The following PLCE1 variants were observed in gnomAD, a reference collection of about 807,000 sequenced individuals.
PLCE1 encodes the protein phospholipase C epsilon 1.
In PLCE1, 119 loss-of-function variants were observed where a neutral mutation model predicts 242.8. That is an observed-to-expected ratio of 0.49 (90% CI 0.42 to 0.57). The LOEUF (loss-of-function observed/expected upper bound fraction) is 0.57. Among genes scored for constraint, PLCE1 ranks in the 20% least tolerant of loss-of-function variants. The pLI, the probability that PLCE1 is intolerant of heterozygous loss-of-function variation, is 0.00. For synonymous variants in PLCE1, 945 were observed against 1,017.4 expected, an observed-to-expected ratio of 0.93 and a Z score of 1.35; for missense variants, 2,441 against 2,788.8, an observed-to-expected ratio of 0.88 and a Z score of 2.81.
rs775505225 is a variant in PLCE1, at chr10:94,293,501, G to T, written c.5036-7G>T. 3.7e-6 allele frequency: 6 copies of T among 1,612,930 alleles called. No individual in the cohort carries two copies. In the South Asian group the frequency reaches 6.6e-5, roughly 18 times the overall value. On this transcript the variant is annotated splice_polypyrimidine_tract_variant and splice_region_variant and intron_variant, in intron 22 of 32. Transcript: ENST00000371380. ...TTGGCTTATTTATTTTCATTTTATGGGAACAGGACTGTCAACTCTAAATGC... is the reference window on the plus strand; with the variant it reads ...TTGGCTTATTTATTTTCATTTTATGTGAACAGGACTGTCAACTCTAAATGC...
Position 94,281,514 on chromosome 10 carries a change from G to T in PLCE1, c.4795+1603G>T, listed in dbSNP as rs145280993. 8.2e-4 allele frequency among the ~76,000 whole-genome samples: 125 copies of T among 152,230 alleles called. 1 individual carries two copies. The East Asian group carries it at 0.02, about 24-fold the overall frequency. ...ATACCACTGAATTTCTAAGATAGTT[G>T]CATGTATTTTTAACAATCCACATAT... is the stretch of plus-strand genomic sequence containing the variant. On this transcript the variant is annotated intron_variant, in intron 20 of 32. Transcript: ENST00000371380.
chr10:94,322,699 C>T (rs1248394907), intron 30 of PLCE1, among the ~76,000 whole-genome samples: 3 of 151,890 alleles, frequency 2.0e-5, no homozygotes, highest in Non-Finnish European at 4.4e-5. Flanking sequence ...GCAGGAGAAT[C>T]GCTTGAACCC....
rs1457134120 is a variant in PLCE1, at chr10:94,293,642, A to T, written c.5167+3A>T. The T allele has an allele frequency of 6.2e-7, 1 of 1,613,486 alleles. No homozygotes were observed. Among genetic ancestry groups the T allele is most frequent in the African/African-American group, 1.3e-5 (1 of 75,038 alleles). On this transcript the variant is annotated splice_donor_region_variant and intron_variant, in intron 23 of 32. Coordinates refer to ENST00000371380, the MANE Select transcript of PLCE1 (RefSeq NM_016341.4). ...ATTTAACAAAACATCTGGAAAAAGT[A>T]AAGTCACTTTCTTACAATATCTTTG... is the stretch of plus-strand genomic sequence containing the variant.
At chr10:94,175,915 A>G (rs548796208) in intron 4 of PLCE1, among the ~76,000 whole-genome samples, 10 of 152,294 alleles carry the variant, frequency 6.6e-5, no homozygotes, top group Admixed American at 6.5e-4. Flanking sequence ...ATTCTTTTTT[A>G]TGGCTGAATT....
chr10:94,067,771 CCTT>C (rs1468081801), intron 2 of PLCE1, among the ~76,000 whole-genome samples: 2 of 152,152 alleles, frequency 1.3e-5, no homozygotes, highest in Admixed American at 1.3e-4. Context: ...AAGAAATACT[CCTT>C]CTTCCTCTGC....
chr10:94,203,708 T>C (rs1278779103), intron 4 of PLCE1, among the ~76,000 whole-genome samples: 1 of 152,220 alleles, frequency 6.6e-6, no homozygotes, highest in Non-Finnish European at 1.5e-5. Context: ...AGAACATCTC[T>C]CTCTTCTTCC....
intron 1 of PLCE1, among the ~76,000 whole-genome samples, chr10:93,994,729 TAAATACACTAGAGCAAG>T (rs1385735230): frequency 6.6e-6 from 1 of 152,226 alleles, no homozygotes. Context: ...GCTACAGTAA[TAAATACACTAGAGCAAG>T]AAGTCTTCTG....
intron 2 of PLCE1, among the ~76,000 whole-genome samples, chr10:94,060,296 A>G (rs1307676779): frequency 6.6e-6 from 1 of 152,186 alleles, no homozygotes; most frequent in East Asian, 1.9e-4. Flanking sequence ...CTAAAGGCAC[A>G]CAGTTCTTGG....
intron 3 of PLCE1, chr10:94,138,276 G>A (rs540825189): frequency 3.1e-4 from 106 of 344,422 alleles, no homozygotes; most frequent in African/African-American, 1.4e-3. Flanking sequence ...CATATTGTGC[G>A]TATTGACCTT....
intron 4 of PLCE1, among the ~76,000 whole-genome samples, chr10:94,207,553 G>A (rs1402468152): frequency 8.3e-6 from 1 of 120,806 alleles, no homozygotes; most frequent in Admixed American, 8.4e-5. Context: ...GTGTGTGTGT[G>A]TATAGACTTT....
chr10:94,299,587 C>T (rs7921127), intron 24 of PLCE1, among the ~76,000 whole-genome samples: 1,861 of 152,292 alleles, frequency 0.012, 46 homozygotes, highest in African/African-American at 0.042. Flanking sequence ...AACAGTCAAG[C>T]GGCAGGCAGC....
intron 4 of PLCE1, among the ~76,000 whole-genome samples, chr10:94,193,326 G>C (rs913002680): frequency 6.6e-6 from 1 of 152,180 alleles, no homozygotes; most frequent in Non-Finnish European, 1.5e-5. Flanking sequence ...GCCTATTGGA[G>C]AAGACTCACA....
intron 4 of PLCE1, among the ~76,000 whole-genome samples, chr10:94,203,908 C>A (rs2049059768): frequency 1.3e-5 from 1 of 76,874 alleles, no homozygotes; most frequent in Non-Finnish European, 3.8e-5. Context: ...AGGGCAGGAA[C>A]CCTCAGGTTT....
intron 2 of PLCE1, among the ~76,000 whole-genome samples, chr10:94,106,758 C>T (rs560285655): frequency 3.3e-5 from 5 of 152,060 alleles, no homozygotes; most frequent in Admixed American, 1.3e-4. Context: ...CCTTCTTAAC[C>T]GTTCCAGTCC....
intron 3 of PLCE1, among the ~76,000 whole-genome samples, chr10:94,136,014 T>C (rs1352286749): frequency 6.6e-6 from 1 of 152,170 alleles, no homozygotes; most frequent in African/African-American, 2.4e-5. Flanking sequence ...TAGCACAAGA[T>C]TTAAATTTTT....
rs12263737 is a variant in PLCE1, at chr10:94,285,156, G to A, written c.5035+191G>A. Among the ~76,000 whole-genome samples, 47,826 of 151,840 alleles carry A rather than the reference G, an allele frequency of 0.31. 7,846 individuals are homozygous for A. The highest frequency in any genetic ancestry group is 0.48 in the Middle Eastern group (141 of 294). ...TGCTCATGAAGAAAAATACCATAAA[G>A]TATTCATTTTTCAGGTCACACAATG... On this transcript the variant is annotated intron_variant, in intron 22 of 32. Coordinates refer to ENST00000371380, the MANE Select transcript of PLCE1 (RefSeq NM_016341.4).
rs1388492962 is a variant in PLCE1, at chr10:93,994,151, A to T, written c.-472A>T. On this transcript the variant is annotated 5_prime_UTR_variant, in exon 1 of 33. Coordinates refer to ENST00000371380, the MANE Select transcript of PLCE1 (RefSeq NM_016341.4). ...CCTGGGCATCGGCTCTGCAGCTGAC[A>T]CACAGTAGCGGGGACACCCGACGCC... 2.0e-5 allele frequency among the ~76,000 whole-genome samples: 3 copies of T among 152,086 alleles called. No homozygotes were observed. Among genetic ancestry groups the T allele is most frequent in the Non-Finnish European group, 2.9e-5 (2 of 67,984 alleles).
chr10:94,245,318 T>C (rs1464907814), intron 7 of PLCE1, among the ~76,000 whole-genome samples: 2 of 152,290 alleles, frequency 1.3e-5, no homozygotes, highest in East Asian at 3.9e-4. Flanking sequence ...AAAATGTACA[T>C]AAAGTATTTA....
chr10:94,313,129 G>A, intron 27 of PLCE1, 125 bp from the exon 28 acceptor site: 1 of 1,090,100 alleles, frequency 9.2e-7, no homozygotes, highest in Non-Finnish European at 1.4e-6. Flanking sequence ...GGCTACAAAT[G>A]GACTCTCATC....
Sources: gnomAD v4.1 joint callset for allele counts (sites outside exome capture counted in the v4.1 genomes callset) on GRCh38, gnomAD v4.1.1 for gene constraint, MANE v1.5 for transcripts, NCBI Gene and HGNC (gene_info 2026-07-23, HGNC 2026-07-21) for gene names.